The following GSE1 variants were observed in gnomAD, a reference collection of about 807,000 sequenced individuals.
GSE1 encodes Gse1 coiled-coil protein, also known as genetic suppressor element 1.
A neutral mutation model predicts 112.6 loss-of-function variants in GSE1; 32 were observed. The observed-to-expected ratio is 0.28, with a 90% CI of 0.21 to 0.38. GSE1 has a LOEUF of 0.38. GSE1 is among the 10% of genes least tolerant of loss of function. The pLI, the probability that GSE1 is intolerant of heterozygous loss-of-function variation, is 1.00. For synonymous variants in GSE1, 1,115 were observed against 735.6 expected, an observed-to-expected ratio of 1.52 and a Z score of -8.35; for missense variants, 2,348 against 1,699.2, an observed-to-expected ratio of 1.38 and a Z score of -6.71.
chr16:85,303,246 C>G (rs2045574805), intron 1 of GSE1, among the ~76,000 whole-genome samples: 1 of 152,196 alleles, frequency 6.6e-6, no homozygotes, highest in South Asian at 2.1e-4. Context: ...CTGCTTGCCG[C>G]GGTCACTCTG....
At chr16:85,395,103 C>T (rs995148701) in intron 2 of GSE1, among the ~76,000 whole-genome samples, 6 of 152,124 alleles carry the variant, frequency 3.9e-5, no homozygotes, top group Non-Finnish European at 8.8e-5. Context: ...AGGTTGTAGG[C>T]TGCAGCCACA....
intron 2 of GSE1, among the ~76,000 whole-genome samples, chr16:85,519,530 A>T (rs368232127): frequency 0.088 from 72 of 820 alleles, 24 homozygotes; most frequent in African/African-American, 0.21. Flanking sequence ...CATCACCTTC[A>T]CCACCATCAT....
At chr16:85,629,553 C>T (rs952052267) in intron 1 of GSE1, among the ~76,000 whole-genome samples, 1 of 152,248 alleles carries the variant, frequency 6.6e-6, no homozygotes, top group African/African-American at 2.4e-5. Context: ...GTCACATGGG[C>T]ACTGTGCTGA....
intron 9 of GSE1, chr16:85,662,780 C>A: frequency 1.8e-6 from 1 of 550,262 alleles, no homozygotes; most frequent in Non-Finnish European, 3.2e-6. Context: ...CCCAGGGAAG[C>A]CTGGTGTCTG....
chr16:85,630,029 T>A (rs2049410296), intron 1 of GSE1, among the ~76,000 whole-genome samples: 2 of 152,172 alleles, frequency 1.3e-5, no homozygotes, highest in Admixed American at 6.5e-5. Flanking sequence ...GGGGCTGCGG[T>A]CTCATCAGAA....
At chr16:85,493,441 A>G (rs1037868437) in intron 2 of GSE1, among the ~76,000 whole-genome samples, 2 of 152,034 alleles carry the variant, frequency 1.3e-5, no homozygotes, top group Non-Finnish European at 2.9e-5. Flanking sequence ...GGCAAACCCC[A>G]TCTTTACAAA....
chr16:85,558,066 G>T (rs1018868116), intron 1 of GSE1, among the ~76,000 whole-genome samples: 5 of 152,030 alleles, frequency 3.3e-5, no homozygotes, highest in African/African-American at 1.2e-4. Flanking sequence ...TTAGAACCGG[G>T]AATCCCCAAC....
At chr16:85,355,008 C>G (rs1447748572) in intron 1 of GSE1, among the ~76,000 whole-genome samples, 1 of 152,232 alleles carries the variant, frequency 6.6e-6, no homozygotes, top group East Asian at 1.9e-4. Context: ...CGCCTCCTGG[C>G]TCCAGCCTAA....
intron 1 of GSE1, chr16:85,594,943 T>G (rs780134589): frequency 6.5e-6 from 1 of 152,978 alleles, no homozygotes; most frequent in Non-Finnish European, 1.5e-5. Context: ...GGCCCAGGAA[T>G]GAGGAGCCTT....
chr16:85,420,014 G>T (rs1242626434), intron 2 of GSE1, among the ~76,000 whole-genome samples: 1 of 152,212 alleles, frequency 6.6e-6, no homozygotes, highest in East Asian at 1.9e-4. Context: ...TGACATCGGG[G>T]CCAGGGATGC....
At chr16:85,518,318 T>C (rs2052022335) in intron 2 of GSE1, among the ~76,000 whole-genome samples, 1 of 152,002 alleles carries the variant, frequency 6.6e-6, no homozygotes, top group Admixed American at 6.5e-5. Context: ...ATGGGGCAGA[T>C]TGTGGAAGGA....
exon 1 of GSE1, chr16:85,556,297 T>C: frequency 2.0e-6 from 2 of 984,112 alleles, no homozygotes; most frequent in Non-Finnish European, 2.4e-6. Context: ...TTCATCCCTC[T>C]CTGGCCACTA....
chr16:85,297,175 C>G (rs571851847), intron 1 of GSE1, among the ~76,000 whole-genome samples: 2 of 152,240 alleles, frequency 1.3e-5, no homozygotes, highest in African/African-American at 4.8e-5. Context: ...GGAGACGGCG[C>G]TTCCTCTTCC....
chr16:85,478,022 C>T (rs760539350), intron 2 of GSE1, among the ~76,000 whole-genome samples: 19 of 152,148 alleles, frequency 1.2e-4, no homozygotes, highest in Non-Finnish European at 2.6e-4. Context: ...GCGGTCACTC[C>T]GCGCTCCTCA....
intron 2 of GSE1, among the ~76,000 whole-genome samples, chr16:85,546,148 G>A (rs1267707516): frequency 2.0e-5 from 3 of 151,926 alleles, no homozygotes; most frequent in Admixed American, 6.6e-5. Flanking sequence ...ACAGTGGCCC[G>A]ATCTCAGCTC....
chr16:85,671,178 C>T (rs2152022764), intron 15 of GSE1, 80 bp downstream of exon 15: 1 of 822,060 alleles, frequency 1.2e-6, no homozygotes, highest in Non-Finnish European at 2.1e-6. Context: ...AGATAAGTTT[C>T]AGAGAGGAAA....
chr16:85,414,263 T>A (rs1412855011), intron 2 of GSE1, among the ~76,000 whole-genome samples: 1 of 152,254 alleles, frequency 6.6e-6, no homozygotes, highest in Non-Finnish European at 1.5e-5. Flanking sequence ...TTTCACGTGC[T>A]GAGAAAGCTG....
At chr16:85,648,059 C>T (rs1043093617) in intron 2 of GSE1, among the ~76,000 whole-genome samples, 3 of 152,008 alleles carry the variant, frequency 2.0e-5, no homozygotes, top group Admixed American at 6.5e-5. Flanking sequence ...AGCTGCCTCT[C>T]GGTGGGGCAG....
intron 8 of GSE1, 57 bp downstream of exon 8, chr16:85,657,661 C>A: frequency 1.6e-6 from 2 of 1,236,602 alleles, no homozygotes; most frequent in Non-Finnish European, 2.2e-6. Flanking sequence ...ATTTGTTCAG[C>A]GTGTATTGAG....
Sources: allele counts gnomAD v4.1 joint callset (sites outside exome capture counted in the v4.1 genomes callset), GRCh38; gene constraint gnomAD v4.1.1; transcripts MANE v1.5; gene names NCBI Gene and HGNC (gene_info 2026-07-23, HGNC 2026-07-21).